Variants in CAMKMT observed in about 807,000 individuals in gnomAD.
CAMKMT encodes calmodulin-lysine N-methyltransferase.
In CAMKMT, 53 loss-of-function variants were observed where a neutral mutation model predicts 48.0. That is an observed-to-expected ratio of 1.10 (90% CI 0.89 to 1.39). CAMKMT has a LOEUF of 1.39. Among genes scored for constraint, CAMKMT ranks in the 40% most tolerant of loss-of-function variants. The probability of loss-of-function intolerance (pLI) is 0.00; values close to 1 mark genes in which losing one functional copy is unlikely to be tolerated. For synonymous variants in CAMKMT, 165 were observed against 152.3 expected (o/e 1.08, Z -0.61); for missense variants, 428 against 402.7 (o/e 1.06, Z -0.54).
Position 44,701,127 on chromosome 2 carries a change from A to G in CAMKMT, c.377-3156A>G, listed in dbSNP as rs191959572. Among the ~76,000 whole-genome samples, 8 of 152,310 alleles carry G rather than the reference A, an allele frequency of 5.3e-5. No individual in the cohort carries two copies. The South Asian group carries it at 1.0e-3, about 20-fold the overall frequency. On this transcript the variant is annotated intron_variant, in intron 3 of 10. Coordinates refer to ENST00000378494, the MANE Select transcript of CAMKMT (RefSeq NM_024766.5). ...TCGTGTACAAGTTTTTGTTGGACAT[A>G]TTTTGATTTATCTTGGGTAGCAGTG...
intron 3 of CAMKMT, among the ~76,000 whole-genome samples, chr2:44,599,757 C>G (rs1234707315): frequency 1.3e-5 from 2 of 151,312 alleles, no homozygotes; most frequent in Middle Eastern, 3.2e-3. Context: ...AGTCTAATAA[C>G]CAAGCCTGGA....
At chr2:44,768,578 C>T (rs952258112) in intron 10 of CAMKMT, among the ~76,000 whole-genome samples, 1 of 151,912 alleles carries the variant, frequency 6.6e-6, no homozygotes, top group Admixed American at 6.5e-5. Flanking sequence ...GAGCGGGCAG[C>T]GCCGCTGCTC....
chr2:44,373,265 A>G (rs1240500028), intron 2 of CAMKMT, among the ~76,000 whole-genome samples: 1 of 152,222 alleles, frequency 6.6e-6, no homozygotes, highest in Non-Finnish European at 1.5e-5. Flanking sequence ...CTGAAAAATC[A>G]AGCTTTGGTA....
chr2:44,691,840 T>A (rs565763420), intron 3 of CAMKMT, among the ~76,000 whole-genome samples: 1 of 152,122 alleles, frequency 6.6e-6, no homozygotes, highest in Non-Finnish European at 1.5e-5. Context: ...CAACGTTCCA[T>A]AAATTATAGA....
chr2:44,499,186 G>A (rs1669894259), intron 3 of CAMKMT, among the ~76,000 whole-genome samples: 1 of 152,140 alleles, frequency 6.6e-6, no homozygotes, highest in South Asian at 2.1e-4. Flanking sequence ...GATATATGGA[G>A]AAACTTGTAA....
chr2:44,499,413 A>AAT (rs1669905144), intron 3 of CAMKMT, among the ~76,000 whole-genome samples: 1 of 152,196 alleles, frequency 6.6e-6, no homozygotes, highest in African/African-American at 2.4e-5. Context: ...TGAAGCTTTG[A>AAT]ATATAGTCAG....
chr2:44,642,886 C>G (rs966952481), intron 3 of CAMKMT, among the ~76,000 whole-genome samples: 2 of 152,144 alleles, frequency 1.3e-5, no homozygotes, highest in Non-Finnish European at 2.9e-5. Context: ...ATAGAACATA[C>G]AATTACCCAT....
chr2:44,600,166 A>T (rs1286710072), intron 3 of CAMKMT, among the ~76,000 whole-genome samples: 1 of 152,112 alleles, frequency 6.6e-6, no homozygotes, highest in Admixed American at 6.6e-5. Context: ...TTTCAGATTC[A>T]GAGTTTAAAA....
intron 3 of CAMKMT, among the ~76,000 whole-genome samples, chr2:44,702,987 C>A (rs373432022): frequency 1.3e-5 from 2 of 152,240 alleles, no homozygotes; most frequent in East Asian, 3.9e-4. Flanking sequence ...TGCATTAAGA[C>A]CATCAGCAGA....
chr2:44,704,160 A>G, intron 3 of CAMKMT, 123 bp from the exon 4 acceptor site: 1 of 535,154 alleles, frequency 1.9e-6, no homozygotes, highest in Non-Finnish European at 3.1e-6. Flanking sequence ...ATGACATATT[A>G]TAAGTAATAA....
chr2:44,621,285 A>AAAG (rs1672180526), intron 3 of CAMKMT, among the ~76,000 whole-genome samples: 2 of 150,556 alleles, frequency 1.3e-5, no homozygotes, highest in East Asian at 3.9e-4. Flanking sequence ...AAAAAAAAAA[A>AAAG]GCATAAGAAA....
intron 3 of CAMKMT, among the ~76,000 whole-genome samples, chr2:44,470,613 T>C (rs1363777173): frequency 3.9e-5 from 6 of 152,226 alleles, no homozygotes; most frequent in African/African-American, 1.4e-4. Context: ...ACGTTTACTG[T>C]CTTTATTTAA....
intron 3 of CAMKMT, among the ~76,000 whole-genome samples, chr2:44,527,307 A>T (rs1368777617): frequency 1.4e-5 from 2 of 144,430 alleles, no homozygotes; most frequent in Non-Finnish European, 3.0e-5. Context: ...TACATATATT[A>T]TTATATATTA....
intron 3 of CAMKMT, among the ~76,000 whole-genome samples, chr2:44,703,684 A>G (rs1410693255): frequency 6.6e-6 from 1 of 151,116 alleles, no homozygotes; most frequent in Non-Finnish European, 1.5e-5. Flanking sequence ...AGGCTGAGGC[A>G]GGAGAATCAC....
intron 9 of CAMKMT, among the ~76,000 whole-genome samples, chr2:44,764,855 A>G (rs2104404091): frequency 6.6e-6 from 1 of 152,246 alleles, no homozygotes; most frequent in South Asian, 2.1e-4. Context: ...AGTGTAGTGG[A>G]GAGAGCATCA....
intron 3 of CAMKMT, among the ~76,000 whole-genome samples, chr2:44,620,378 T>C (rs545576188): frequency 2.3e-4 from 35 of 152,306 alleles, no homozygotes; most frequent in Admixed American, 1.1e-3. Context: ...GACCCTCTTT[T>C]ATGCTTACTC....
intron 3 of CAMKMT, among the ~76,000 whole-genome samples, chr2:44,488,876 T>TGA (rs1458476966): frequency 1.3e-5 from 2 of 149,570 alleles, no homozygotes; most frequent in Admixed American, 1.3e-4. Flanking sequence ...TGTGTGTGTG[T>TGA]GTTTTAAGAA....
At chr2:44,749,571 A>AG (rs1680068357) in intron 8 of CAMKMT, among the ~76,000 whole-genome samples, 1 of 152,214 alleles carries the variant, frequency 6.6e-6, no homozygotes, top group African/African-American at 2.4e-5. Flanking sequence ...TGCCCTTAGT[A>AG]TATAGTAGAT....
At chr2:44,665,688 G>T (rs1288281673) in intron 3 of CAMKMT, among the ~76,000 whole-genome samples, 1 of 152,108 alleles carries the variant, frequency 6.6e-6, no homozygotes, top group East Asian at 1.9e-4. Flanking sequence ...GTGAAAAGGG[G>T]GTTGTACTCA....
Sources: allele counts gnomAD v4.1 joint callset (sites outside exome capture counted in the v4.1 genomes callset), GRCh38; gene constraint gnomAD v4.1.1; transcripts MANE v1.5; gene names NCBI Gene and HGNC (gene_info 2026-07-23, HGNC 2026-07-21).